Variants in AGBL1 observed in about 807,000 individuals in gnomAD.
The protein encoded by AGBL1 is AGBL carboxypeptidase 1.
A neutral mutation model predicts 118.9 loss-of-function variants in AGBL1; 130 were observed. The observed-to-expected ratio is 1.09, with a 90% CI of 0.95 to 1.26. The LOEUF (loss-of-function observed/expected upper bound fraction) is 1.26, where lower values mean the gene tolerates loss of function less well. AGBL1 is among the 50% of genes most tolerant of loss of function. AGBL1 has a pLI of 0.00. For missense variants in AGBL1, 1,584 were observed against 1,298.1 expected (o/e 1.22, Z -3.38); for synonymous variants, 555 against 478.9 (o/e 1.16, Z -2.08).
chr15:86,872,428 C>T (rs1441634612), intron 22 of AGBL1, among the ~76,000 whole-genome samples: 2 of 152,090 alleles, frequency 1.3e-5, no homozygotes, highest in Admixed American at 6.5e-5. Flanking sequence ...ATTGCAAACC[C>T]GCTTACTATT....
chr15:86,735,655 GATAT>G (rs61663652), intron 22 of AGBL1, among the ~76,000 whole-genome samples: 4 of 146,744 alleles, frequency 2.7e-5, no homozygotes, highest in Admixed American at 6.8e-5. Context: ...TACAAAGAGA[GATAT>G]ATATATATAT....
chr15:86,426,751 A>G (rs905109073), intron 18 of AGBL1, among the ~76,000 whole-genome samples: 2 of 152,142 alleles, frequency 1.3e-5, no homozygotes, highest in Admixed American at 6.6e-5. Flanking sequence ...TTTGTCCACT[A>G]TGTTATGTGT....
chr15:86,222,050 A>G (rs1286757122), intron 5 of AGBL1, among the ~76,000 whole-genome samples: 1 of 152,090 alleles, frequency 6.6e-6, no homozygotes, highest in Non-Finnish European at 1.5e-5. Context: ...AGTTCCTCAA[A>G]TGCACATCTT....
intron 21 of AGBL1, among the ~76,000 whole-genome samples, chr15:86,571,274 G>A (rs909285802): frequency 2.0e-5 from 3 of 152,154 alleles, no homozygotes; most frequent in African/African-American, 7.2e-5. Flanking sequence ...GCAAGCAAGG[G>A]GCATGTTTCA....
intron 17 of AGBL1, among the ~76,000 whole-genome samples, chr15:86,346,378 G>A (rs532593664): frequency 4.2e-5 from 6 of 142,764 alleles, no homozygotes; most frequent in Non-Finnish European, 9.2e-5. Context: ...ATGAAGTCTC[G>A]CTCTGTTGCC....
chr15:86,262,078 C>CTTTTTTTTTTTTTTTTTTTTT lies in AGBL1; in HGVS notation c.970-684_970-683insTTTTTTTTTTTTTTTTTTTTT, dbSNP rs61365024. Among the ~76,000 whole-genome samples the CTTTTTTTTTTTTTTTTTTTTT allele has an allele frequency of 2.6e-3, 139 of 52,760 alleles. 36 individuals are homozygous for CTTTTTTTTTTTTTTTTTTTTT. The highest frequency in any genetic ancestry group is 3.2e-3 in the Non-Finnish European group (91 of 28,090). 34.6% of individuals were successfully genotyped at this position (52,760 alleles called of 152,430 possible). On this transcript the variant is annotated intron_variant, in intron 9 of 22. Coordinates refer to ENST00000614907, the MANE Select transcript of AGBL1 (RefSeq NM_001386094.1). The stretch of plus-strand genomic sequence containing the variant: ...CACTGCTAGGCCTATGCATAGCTGG[C>CTTTTTTTTTTTTTTTTTTTTT]TTTTTTTTTTTTTTTTGCCATTTAG...
chr15:86,502,651 C>T (rs772835206), intron 18 of AGBL1, among the ~76,000 whole-genome samples: 9 of 149,268 alleles, frequency 6.0e-5, no homozygotes, highest in Non-Finnish European at 8.9e-5. Flanking sequence ...TTTTATAAAA[C>T]GTTTTTTCAG....
intron 22 of AGBL1, among the ~76,000 whole-genome samples, chr15:86,854,276 C>T (rs1050322214): frequency 8.5e-5 from 13 of 152,192 alleles, no homozygotes; most frequent in African/African-American, 3.1e-4. Flanking sequence ...ACTCAGAGCT[C>T]TGCTTGGGTT....
At chr15:86,925,709 CTTTTTCTTTTCTTTTTTT>C (rs1567243358) in intron 23 of AGBL1, among the ~76,000 whole-genome samples, 2 of 143,388 alleles carry the variant, frequency 1.4e-5, no homozygotes, top group African/African-American at 5.1e-5. Flanking sequence ...TTTTCTTTTT[CTTTTTCTTTTCTTTTTTT>C]TTTTTTTTAT....
chr15:86,435,159 C>G (rs985054584), intron 18 of AGBL1, among the ~76,000 whole-genome samples: 2 of 152,116 alleles, frequency 1.3e-5, no homozygotes, highest in African/African-American at 4.8e-5. Flanking sequence ...TTGTCATTAA[C>G]CTACCAAGTA....
chr15:86,312,075 T>G (rs1020472220), intron 17 of AGBL1: 1 of 152,184 alleles, frequency 6.6e-6, no homozygotes, highest in Non-Finnish European at 1.5e-5. Context: ...TCTGTTAGAG[T>G]AAGTGATGAG....
chr15:86,769,365 G>T (rs552213628), intron 22 of AGBL1, among the ~76,000 whole-genome samples: 1 of 152,000 alleles, frequency 6.6e-6, no homozygotes, highest in African/African-American at 2.4e-5. Context: ...TACTATCCTG[G>T]AATGTATCCT....
At chr15:86,260,580 G>A (rs1382514363) in intron 9 of AGBL1, among the ~76,000 whole-genome samples, 1 of 152,066 alleles carries the variant, frequency 6.6e-6, no homozygotes, top group Non-Finnish European at 1.5e-5. Flanking sequence ...TATTGGGTAT[G>A]ATCCGTATGC....
chr15:86,711,238 A>G (rs1199481885), intron 22 of AGBL1, among the ~76,000 whole-genome samples: 1 of 152,186 alleles, frequency 6.6e-6, no homozygotes, highest in Admixed American at 6.5e-5. Flanking sequence ...AACCCAGCTT[A>G]GTTCTTTGGA....
chr15:86,987,946 T>C, intron 23 of AGBL1: 1 of 1,593,380 alleles, frequency 6.3e-7, no homozygotes, highest in Non-Finnish European at 8.5e-7. Context: ...CTATGGTTTA[T>C]TTTCACCAAT....
At chr15:86,153,643 G>T (rs954559896) in intron 3 of AGBL1, among the ~76,000 whole-genome samples, 2 of 152,134 alleles carry the variant, frequency 1.3e-5, no homozygotes, top group African/African-American at 4.8e-5. Context: ...ATGTCCCCTA[G>T]AACTTAAATT....
At chr15:86,629,813 C>A (rs2084937948) in intron 21 of AGBL1, among the ~76,000 whole-genome samples, 1 of 152,124 alleles carries the variant, frequency 6.6e-6, no homozygotes, top group Admixed American at 6.6e-5. Flanking sequence ...TCCTTTATTT[C>A]AGGCCCTAAT....
chr15:86,463,390 G>T (rs1450161900), intron 18 of AGBL1, among the ~76,000 whole-genome samples: 2 of 151,286 alleles, frequency 1.3e-5, no homozygotes, highest in Admixed American at 1.3e-4. Context: ...TCTGTAGGTT[G>T]CCTGTTCACT....
At chr15:86,943,861 C>A (rs920047649) in intron 23 of AGBL1, among the ~76,000 whole-genome samples, 2 of 152,174 alleles carry the variant, frequency 1.3e-5, no homozygotes, top group African/African-American at 4.8e-5. Context: ...CTGCCTAAAT[C>A]ATTTCCTTCT....
Sources: gnomAD v4.1 joint callset for allele counts (sites outside exome capture counted in the v4.1 genomes callset) on GRCh38, gnomAD v4.1.1 for gene constraint, MANE v1.5 for transcripts, NCBI Gene and HGNC (gene_info 2026-07-23, HGNC 2026-07-21) for gene names.